Variants in EXT1 observed in about 807,000 individuals in gnomAD.
The protein encoded by EXT1 is exostosin glycosyltransferase 1.
A neutral mutation model predicts 82.5 loss-of-function variants in EXT1; 20 were observed. That is an observed-to-expected ratio of 0.24 (90% CI 0.17 to 0.35). The LOEUF (loss-of-function observed/expected upper bound fraction) is 0.35, where lower values mean the gene tolerates loss of function less well. Among genes scored for constraint, EXT1 ranks in the 10% least tolerant of loss-of-function variants. The pLI is 1.00. For missense variants in EXT1, 757 were observed against 936.5 expected, an observed-to-expected ratio of 0.81 and a Z score of 2.50; for synonymous variants, 348 against 350.8, an observed-to-expected ratio of 0.99 and a Z score of 0.09.
chr8:118,107,725 C>A (rs1563658537), intron 1 of EXT1, among the ~76,000 whole-genome samples: 1 of 152,104 alleles, frequency 6.6e-6, no homozygotes, highest in Non-Finnish European at 1.5e-5. Context: ...TAATAAATGG[C>A]AATAAAGTTT....
chr8:117,851,616 G>GACACACACACACACACACACACACACAC (rs35686154), intron 1 of EXT1, among the ~76,000 whole-genome samples: 1 of 147,908 alleles, frequency 6.8e-6, no homozygotes, highest in East Asian at 2.0e-4. Context: ...AATTTAGCTG[G>GACACACACACACACACACACACACACAC]ACACACACAC....
rs114734091 is a variant in EXT1 at position 117,835,583 on chromosome 8, G to A, written c.1057-32C>T. Reference sequence around the variant, plus strand: ...AAAAAAGGGGACTTCGTGAATGTGAGGAAAGCGACAGCAGAAGCTGTTCCA... The same window carrying A: ...AAAAAAGGGGACTTCGTGAATGTGAAGAAAGCGACAGCAGAAGCTGTTCCA... On this transcript the variant is annotated intron_variant, in intron 2 of 10. Transcript: ENST00000378204. 1,564 of 1,500,496 alleles carry A rather than the reference G, an allele frequency of 1.0e-3. 16 individuals carry two copies. The African/African-American group carries it at 0.019, about 18-fold the overall frequency. The allele number at this position is 1,500,496 out of a possible 1,614,324, so 92.9% of individuals were successfully genotyped here.
intron 1 of EXT1, among the ~76,000 whole-genome samples, chr8:117,978,593 G>T (rs1815116799): frequency 6.6e-6 from 1 of 152,130 alleles, no homozygotes; most frequent in South Asian, 2.1e-4. Flanking sequence ...TCCTTCTCTG[G>T]ATGACCTATA....
intron 8 of EXT1, among the ~76,000 whole-genome samples, chr8:117,811,090 T>A (rs1823310649): frequency 6.6e-6 from 1 of 151,036 alleles, no homozygotes; most frequent in Admixed American, 6.6e-5. Context: ...TCTTATGGGG[T>A]CTTTTAACCC....
At chr8:117,887,437 C>T (rs552976786) in intron 1 of EXT1, among the ~76,000 whole-genome samples, 17 of 152,254 alleles carry the variant, frequency 1.1e-4, no homozygotes, top group Admixed American at 2.6e-4. Flanking sequence ...CTGCAACCTC[C>T]GCCTCCCAGG....
At chr8:117,851,001 C>T (rs1214273577) in intron 1 of EXT1, among the ~76,000 whole-genome samples, 5 of 152,162 alleles carry the variant, frequency 3.3e-5, no homozygotes, top group African/African-American at 1.2e-4. Flanking sequence ...CTGGAAACAA[C>T]TGTAACTCTC....
At chr8:117,972,492 A>C (rs1814963344) in intron 1 of EXT1, among the ~76,000 whole-genome samples, 1 of 152,204 alleles carries the variant, frequency 6.6e-6, no homozygotes, top group Non-Finnish European at 1.5e-5. Flanking sequence ...GTGTCAGGAG[A>C]GCAACTTCAT....
rs187900256 is a variant in EXT1, at chr8:117,904,532, A to G, written c.963-67331T>C. Among the ~76,000 whole-genome samples the G allele has an allele frequency of 2.4e-3, 368 of 152,332 alleles. 1 individual carries two copies. The highest frequency in any genetic ancestry group is 3.7e-3 in the Non-Finnish European group (253 of 68,036). On this transcript the variant is annotated intron_variant, in intron 1 of 10. Transcript: ENST00000378204. The stretch of plus-strand genomic sequence containing the variant: ...AAATGGGTATGTTCTTTAAAATATC[A>G]TAGGAGCCGGTACTTTGTAGTTATA...
At position 117,861,588 on chromosome 8, in the gene EXT1, A is replaced by G. The variant is rs1456545390; in HGVS notation, c.963-24387T>C. ...TGGCTCACTGCAACCTCTGCCTCCC[A>G]GGTTCAAGTTTTTCTTGCACCTCAG... On this transcript the variant is annotated intron_variant, in intron 1 of 10. Transcript: ENST00000378204. Among the ~76,000 whole-genome samples the G allele has an allele frequency of 5.7e-5, 6 of 104,522 alleles. 1 individual carries two copies. The highest frequency in any genetic ancestry group is 2.4e-4 in the Admixed American group (2 of 8,264). 68.6% of individuals were successfully genotyped at this position (104,522 alleles called of 152,430 possible).
chr8:118,101,889 G>T (rs115962480), intron 1 of EXT1, among the ~76,000 whole-genome samples: 2,219 of 151,390 alleles, frequency 0.015, 49 homozygotes, highest in African/African-American at 0.051. Context: ...TTGAGAGAGA[G>T]ACCCTAGTCA....
chr8:117,804,064 A>C (rs1390999441), intron 10 of EXT1, among the ~76,000 whole-genome samples: 3 of 152,222 alleles, frequency 2.0e-5, no homozygotes, highest in Admixed American at 1.3e-4. Flanking sequence ...ATCAACTTTC[A>C]TAAGTTATTT....
At chr8:117,950,428 T>C (rs921395641) in intron 1 of EXT1, among the ~76,000 whole-genome samples, 7 of 152,158 alleles carry the variant, frequency 4.6e-5, no homozygotes, top group South Asian at 4.1e-4. Context: ...TTGTTCAGGG[T>C]TCAACACATT....
intron 1 of EXT1, among the ~76,000 whole-genome samples, chr8:118,051,032 C>A (rs1816708396): frequency 6.6e-6 from 1 of 152,168 alleles, no homozygotes. Context: ...ATAATCCATA[C>A]ACACAAATAT....
intron 1 of EXT1, among the ~76,000 whole-genome samples, chr8:118,078,944 C>T (rs1029663040): frequency 6.6e-6 from 1 of 152,070 alleles, no homozygotes; most frequent in Non-Finnish European, 1.5e-5. Flanking sequence ...TGCAAAAACA[C>T]GAGTTAAGAT....
chr8:118,085,479 G>GTTTTTT (rs58866328), intron 1 of EXT1, among the ~76,000 whole-genome samples: 2 of 126,746 alleles, frequency 1.6e-5, no homozygotes, highest in African/African-American at 2.9e-5. Context: ...GGCTGTTTTT[G>GTTTTTT]TTTTTTTTTT....
intron 1 of EXT1, among the ~76,000 whole-genome samples, chr8:117,899,565 G>A (rs1365118749): frequency 2.0e-5 from 3 of 152,246 alleles, no homozygotes; most frequent in East Asian, 1.9e-4. Context: ...AGCTGCTTTC[G>A]GAACGATCAG....
At chr8:117,825,586 C>T (rs1484203226) in intron 4 of EXT1, among the ~76,000 whole-genome samples, 1 of 152,194 alleles carries the variant, frequency 6.6e-6, no homozygotes, top group Non-Finnish European at 1.5e-5. Context: ...GAATGACAGG[C>T]TCCTTATTTT....
chr8:117,919,773 C>A (rs192952098), intron 1 of EXT1, among the ~76,000 whole-genome samples: 1 of 152,046 alleles, frequency 6.6e-6, no homozygotes, highest in Non-Finnish European at 1.5e-5. Flanking sequence ...CAAAGTGCTG[C>A]AATTAAAGCC....
chr8:117,951,290 A>G (rs999627251), intron 1 of EXT1, among the ~76,000 whole-genome samples: 1 of 152,222 alleles, frequency 6.6e-6, no homozygotes, highest in Non-Finnish European at 1.5e-5. Context: ...TTACTCATCT[A>G]TCTTTCACAT....
Sources: gnomAD v4.1 joint callset for allele counts (sites outside exome capture counted in the v4.1 genomes callset) on GRCh38, gnomAD v4.1.1 for gene constraint, MANE v1.5 for transcripts, NCBI Gene and HGNC (gene_info 2026-07-23, HGNC 2026-07-21) for gene names.